Variants in GSE1 observed in about 807,000 individuals in gnomAD.
GSE1 encodes the protein genetic suppressor element 1.
GSE1 carries 32 observed loss-of-function variants against 112.6 expected under a neutral mutation model. The observed-to-expected ratio is 0.28, with a 90% CI of 0.21 to 0.38. The LOEUF is 0.38. Among genes scored for constraint, GSE1 ranks in the 10% least tolerant of loss-of-function variants. GSE1 has a pLI of 1.00. For synonymous variants in GSE1, 1,115 were observed against 735.6 expected (o/e 1.52, Z -8.35); for missense variants, 2,348 against 1,699.2 (o/e 1.38, Z -6.71).
chr16:85,376,664 G>A (rs964251950), intron 2 of GSE1, among the ~76,000 whole-genome samples: 3 of 152,252 alleles, frequency 2.0e-5, no homozygotes, highest in Non-Finnish European at 4.4e-5. Context: ...CCAGCCCAGA[G>A]GGAGAGAGGA....
chr16:85,313,772 G>A (rs1356200870), intron 1 of GSE1, among the ~76,000 whole-genome samples: 2 of 152,326 alleles, frequency 1.3e-5, no homozygotes, highest in Middle Eastern at 3.4e-3. Flanking sequence ...TCTGCTCCCC[G>A]CCAGCCTGGG....
At chr16:85,404,022 G>C (rs1314353181) in intron 2 of GSE1, among the ~76,000 whole-genome samples, 3 of 13,468 alleles carry the variant, frequency 2.2e-4, no homozygotes, top group Non-Finnish European at 4.1e-4. Flanking sequence ...CCGTCCTTAC[G>C]GGGCCTTTCC....
chr16:85,606,375 A>C (rs955287841), intron 1 of GSE1, among the ~76,000 whole-genome samples: 1 of 152,170 alleles, frequency 6.6e-6, no homozygotes, highest in Non-Finnish European at 1.5e-5. Context: ...GAGCTCCACA[A>C]CCTCATCCGT....
intron 3 of GSE1, 28 bp downstream of exon 3, chr16:85,648,779 C>G: frequency 3.6e-6 from 5 of 1,397,866 alleles, no homozygotes; most frequent in Non-Finnish European, 4.9e-6. Context: ...GGGAGCCTAG[C>G]GTCCTCTAAG....
intron 2 of GSE1, among the ~76,000 whole-genome samples, chr16:85,358,997 G>A (rs989817603): frequency 1.3e-5 from 2 of 152,366 alleles, no homozygotes; most frequent in African/African-American, 4.8e-5. Flanking sequence ...CTGGCTCACG[G>A]GGCAGATGTG....
chr16:85,452,049 C>T (rs2049699174), intron 2 of GSE1, among the ~76,000 whole-genome samples: 2 of 152,048 alleles, frequency 1.3e-5, no homozygotes, highest in African/African-American at 2.4e-5. Flanking sequence ...GTCCGTGTCT[C>T]GGTGTCAGGT....
At chr16:85,666,380 G>C (rs199616103) in intron 13 of GSE1, 33 bp downstream of exon 13, 5 of 1,611,446 alleles carry the variant, frequency 3.1e-6, no homozygotes, top group East Asian at 2.2e-5. Flanking sequence ...CTCAGCTCTC[G>C]GCTGTGGTTG....
chr16:85,469,229 C>T (rs2050212697), intron 2 of GSE1, among the ~76,000 whole-genome samples: 1 of 151,864 alleles, frequency 6.6e-6, no homozygotes, highest in Non-Finnish European at 1.5e-5. Flanking sequence ...GCACTGCAGC[C>T]TGCACAAGAG....
chr16:85,260,085 C>G (rs1374653693), intron 1 of GSE1, among the ~76,000 whole-genome samples: 1 of 152,142 alleles, frequency 6.6e-6, no homozygotes, highest in African/African-American at 2.4e-5. Flanking sequence ...GTGAGCCCCA[C>G]AGGACATAGG....
At chr16:85,249,885 T>A (rs1214397641) in intron 1 of GSE1, among the ~76,000 whole-genome samples, 1 of 152,236 alleles carries the variant, frequency 6.6e-6, no homozygotes, top group African/African-American at 2.4e-5. Context: ...GGCAGCAATG[T>A]CACAGCTGCA....
intron 2 of GSE1, among the ~76,000 whole-genome samples, chr16:85,517,555 A>T (rs903863902): frequency 6.6e-6 from 1 of 152,086 alleles, no homozygotes; most frequent in African/African-American, 2.4e-5. Flanking sequence ...GAGAGAGTGG[A>T]AGTGGCTGCC....
At chr16:85,441,710 T>TAGG (rs2049380194) in intron 2 of GSE1, among the ~76,000 whole-genome samples, 1 of 152,128 alleles carries the variant, frequency 6.6e-6, no homozygotes, top group Non-Finnish European at 1.5e-5. Flanking sequence ...GAGGGGTGTG[T>TAGG]AGGAGTTTTC....
At chr16:85,448,157 T>G (rs2049567024) in intron 2 of GSE1, among the ~76,000 whole-genome samples, 1 of 152,190 alleles carries the variant, frequency 6.6e-6, no homozygotes, top group South Asian at 2.1e-4. Context: ...ATGTGCAGAC[T>G]TGAAGATCCA....
chr16:85,187,338 G>A (rs943326451), intron 1 of GSE1, among the ~76,000 whole-genome samples: 6 of 152,262 alleles, frequency 3.9e-5, no homozygotes, highest in Admixed American at 1.3e-4. Context: ...ACAGAGCGAC[G>A]CTGGGCAGTG....
chr16:85,346,905 G>A (rs1338806277), intron 1 of GSE1, among the ~76,000 whole-genome samples: 1 of 152,002 alleles, frequency 6.6e-6, no homozygotes, highest in East Asian at 1.9e-4. Context: ...TGGTGGACAG[G>A]TGAGTGGATG....
intron 2 of GSE1, among the ~76,000 whole-genome samples, chr16:85,482,054 C>T (rs1230620377): frequency 6.6e-6 from 1 of 152,264 alleles, no homozygotes; most frequent in Non-Finnish European, 1.5e-5. Flanking sequence ...GATTTCATGT[C>T]CCCACCCATG....
chr16:85,295,709 A>C (rs1367511684), intron 1 of GSE1, among the ~76,000 whole-genome samples: 1 of 152,154 alleles, frequency 6.6e-6, no homozygotes, highest in Admixed American at 6.5e-5. Flanking sequence ...CCATCACAGC[A>C]ACACTGGTAG....
intron 2 of GSE1, among the ~76,000 whole-genome samples, chr16:85,484,616 C>T (rs1029732094): frequency 6.6e-6 from 1 of 152,120 alleles, no homozygotes; most frequent in East Asian, 1.9e-4. Context: ...CAGCAGCTTA[C>T]GTGTCTCCTG....
At chr16:85,384,573 TC>T (rs1464895656) in intron 2 of GSE1, among the ~76,000 whole-genome samples, 1 of 152,186 alleles carries the variant, frequency 6.6e-6, no homozygotes, top group African/African-American at 2.4e-5. Context: ...CCTTTACTGT[TC>T]CTTGCCCCTG....
Sources: allele counts gnomAD v4.1 joint callset (sites outside exome capture counted in the v4.1 genomes callset), GRCh38; gene constraint gnomAD v4.1.1; transcripts MANE v1.5; gene names NCBI Gene and HGNC (gene_info 2026-07-23, HGNC 2026-07-21).